Variants in ERI1 observed in about 807,000 individuals in gnomAD.
ERI1 encodes the protein exoribonuclease 1.
In ERI1, 39 loss-of-function variants were observed where a neutral mutation model predicts 39.7. That is an observed-to-expected ratio of 0.98 (90% confidence interval 0.76 to 1.28). ERI1 has a LOEUF of 1.28. ERI1 is among the 50% of genes most tolerant of loss of function. The pLI, the probability that ERI1 is intolerant of heterozygous loss-of-function variation, is 0.00. For synonymous variants in ERI1, 204 were observed against 149.6 expected, an observed-to-expected ratio of 1.36 and a Z score of -2.65; for missense variants, 581 against 416.9, an observed-to-expected ratio of 1.39 and a Z score of -3.43.
chr8:9,020,596 A>G (rs1817779471), intron 6 of ERI1, 132 bp downstream of exon 6: 2 of 577,826 alleles, frequency 3.5e-6, no homozygotes, highest in African/African-American at 3.8e-5. Context: ...TACTCTTCAG[A>G]TTCCAAATTC....
chr8:9,011,684 C>T lies in ERI1; in HGVS notation c.430C>T (p.Pro144Ser), dbSNP rs1459226535. Residue 144 changes from proline (P) to serine (S), a missense_variant, in exon 3 of 7, where the codon CCA becomes TCA. Physicochemically the swap from Pro to Ser is moderately conservative, Grantham distance 74. Coordinates refer to ENST00000250263, the MANE Select transcript of ERI1 (RefSeq NM_153332.4). ...TGAAGCCACTTGTGAAGAAGGAAAC[C>T]CACCTGAGTTTGTACATGAAATAAT... ...DFEATCEEGN[P>S]PEFVHEIIEF... 1.9e-6 allele frequency: 3 copies of T among 1,613,350 alleles called. No homozygotes were observed. Among genetic ancestry groups the T allele is most frequent in the Admixed American group, 1.7e-5 (1 of 59,970 alleles).
At chr8:9,044,348 A>T (rs1007605876) in intron 3 of ERI1, among the ~76,000 whole-genome samples, 5 of 152,124 alleles carry the variant, frequency 3.3e-5, no homozygotes, top group African/African-American at 1.2e-4. Context: ...AGATTGTTGA[A>T]AGAAGCGAGG....
chr8:9,045,404 C>T (rs1359339912), intron 3 of ERI1, among the ~76,000 whole-genome samples: 1 of 152,044 alleles, frequency 6.6e-6, no homozygotes, highest in African/African-American at 2.4e-5. Context: ...CTGTATAGGT[C>T]TAGCCTCCAC....
chr8:9,095,854 T>C (rs923004847), intron 3 of ERI1, among the ~76,000 whole-genome samples: 26 of 152,246 alleles, frequency 1.7e-4, no homozygotes, highest in African/African-American at 6.0e-4. Flanking sequence ...TGTTTAAGGA[T>C]CATCTGTAGG....
rs78748181 is a variant in ERI1 at position 9,096,315 on chromosome 8, C to T, written n.300-20033C>T. Among the ~76,000 whole-genome samples, 1,167 of 152,256 alleles carry T rather than the reference C, an allele frequency of 7.7e-3. 23 individuals are homozygous for T. Among genetic ancestry groups the T allele is most frequent in the African/African-American group, 0.027 (1,103 of 41,538 alleles). ...AGGTGCTGGATTACAAATCCAGCCC[C>T]GGCTCCCAGGATCTTGGAGGCTGGG... On this transcript the variant is annotated intron_variant and non_coding_transcript_variant, in intron 3 of 3. Coordinates refer to the ERI1 transcript ENST00000518663.
chr8:9,016,290 A>G (rs764633395), intron 3 of ERI1, 32 bp from the exon 4 acceptor site: 2 of 1,416,392 alleles, frequency 1.4e-6, no homozygotes, highest in East Asian at 4.7e-5. Context: ...AACTCATATA[A>G]ATTACTTTAA....
At chr8:9,037,692 G>C (rs1797895805), downstream of ERI1, among the ~76,000 whole-genome samples, 1 of 152,080 alleles carries the variant, frequency 6.6e-6, no homozygotes, top group African/African-American at 2.4e-5. Context: ...CGTGATGAAT[G>C]AGTTACTGTT....
chr8:9,024,802 C>T (rs1032149753), intron 6 of ERI1, among the ~76,000 whole-genome samples: 1 of 152,106 alleles, frequency 6.6e-6, no homozygotes, highest in African/African-American at 2.4e-5. Flanking sequence ...AAATACACCT[C>T]TTGACTGTAA....
At chr8:9,065,926 G>A (rs960822112) in intron 3 of ERI1, among the ~76,000 whole-genome samples, 2 of 152,108 alleles carry the variant, frequency 1.3e-5, no homozygotes, top group East Asian at 1.9e-4. Context: ...GCAGTGGCTG[G>A]GCCTCTCTCT....
downstream of ERI1, among the ~76,000 whole-genome samples, chr8:9,037,338 C>T (rs1176207356): frequency 6.6e-6 from 1 of 152,180 alleles, no homozygotes; most frequent in Non-Finnish European, 1.5e-5. Flanking sequence ...CAGTCTTATT[C>T]TCTTGATTCT....
chr8:9,014,371 T>G (rs544600399), intron 3 of ERI1, among the ~76,000 whole-genome samples: 1 of 152,218 alleles, frequency 6.6e-6, no homozygotes, highest in African/African-American at 2.4e-5. Context: ...TACTTGATTA[T>G]CCTATTTAAG....
rs1338337115 is a variant in ERI1 at position 9,008,168 on chromosome 8, A to G, written c.287+20A>G. On this transcript the variant is annotated intron_variant, in intron 2 of 6. Coordinates refer to ENST00000250263, the MANE Select transcript of ERI1 (RefSeq NM_153332.4). The stretch of plus-strand genomic sequence containing the variant: ...AACTAGGTAATTAAAAATAACTTAT[A>G]AAATTATAAAAGTAGTACATGCTCA... 1.3e-6 allele frequency: 2 copies of G among 1,522,508 alleles called. No individual in the cohort carries two copies. Among genetic ancestry groups the G allele is most frequent in the East Asian group, 4.8e-5 (2 of 41,290 alleles). The allele number at this position is 1,522,508 out of a possible 1,614,324, so 94.3% of individuals were successfully genotyped here. A position where few individuals can be genotyped will look rare whatever the true frequency, so the allele number is the denominator to read the frequency against.
intron 3 of ERI1, among the ~76,000 whole-genome samples, chr8:9,071,563 C>T (rs1799051416): frequency 6.6e-6 from 1 of 152,206 alleles, no homozygotes; most frequent in Non-Finnish European, 1.5e-5. Context: ...CCAGTTTATT[C>T]ATCTGAGGAA....
chr8:9,098,668 A>G (rs535066639), intron 3 of ERI1, among the ~76,000 whole-genome samples: 1 of 152,300 alleles, frequency 6.6e-6, no homozygotes, highest in Middle Eastern at 3.4e-3. Context: ...AAGTCACCAC[A>G]AAAGACCTTA....
At chr8:9,003,932 C>A in intron 1 of ERI1, 1 of 472,546 alleles carries the variant, frequency 2.1e-6, no homozygotes, top group South Asian at 1.7e-5. Flanking sequence ...CAGTTTCCAT[C>A]TGGCAGCTAG....
chr8:9,060,926 G>C (rs1213859588), intron 3 of ERI1, among the ~76,000 whole-genome samples: 1 of 152,198 alleles, frequency 6.6e-6, no homozygotes, highest in African/African-American at 2.4e-5. Flanking sequence ...TAATGATGGA[G>C]GACGCTTGCG....
intron 5 of ERI1, 24 bp from the exon 6 acceptor site, chr8:9,020,324 ATT>A (rs750661290): frequency 7.4e-7 from 1 of 1,346,348 alleles, no homozygotes; most frequent in Non-Finnish European, 1.0e-6. Context: ...TATTTCATCA[ATT>A]TTTTGTCCTT....
At chr8:9,067,466 G>T (rs991520887) in intron 3 of ERI1, among the ~76,000 whole-genome samples, 4 of 151,208 alleles carry the variant, frequency 2.6e-5, no homozygotes, top group Non-Finnish European at 5.9e-5. Flanking sequence ...CCTAGCCTGG[G>T]CAACATAGAG....
chr8:9,060,511 T>C (rs1262909417), intron 3 of ERI1, among the ~76,000 whole-genome samples: 2 of 152,058 alleles, frequency 1.3e-5, no homozygotes, highest in African/African-American at 4.8e-5. Flanking sequence ...GTGATCTCCT[T>C]GAGGATAGAT....
Sources: allele counts gnomAD v4.1 joint callset (sites outside exome capture counted in the v4.1 genomes callset), GRCh38; gene constraint gnomAD v4.1.1; transcripts MANE v1.5; gene names NCBI Gene and HGNC (gene_info 2026-07-23, HGNC 2026-07-21).